The following CUEDC1 variants were observed in gnomAD, a reference collection of about 807,000 sequenced individuals.
CUEDC1 encodes the protein CUE domain-containing protein 1.
A neutral mutation model predicts 43.7 loss-of-function variants in CUEDC1; 30 were observed. The observed-to-expected ratio is 0.69, with a 90% CI of 0.51 to 0.93. CUEDC1 has a LOEUF of 0.93. CUEDC1 is among the 40% of genes least tolerant of loss of function. The pLI, the probability that CUEDC1 is intolerant of heterozygous loss-of-function variation, is 0.00. For missense variants in CUEDC1, 486 were observed against 549.0 expected (o/e 0.89, Z 1.15); for synonymous variants, 223 against 223.6 (o/e 1.00, Z 0.02).
At chr17:57,896,487 G>GGGGGGGGGTGTGTGT (rs375270781) in intron 1 of CUEDC1, among the ~76,000 whole-genome samples, 40 of 130,372 alleles carry the variant, frequency 3.1e-4, no homozygotes, top group Non-Finnish European at 4.5e-4. Context: ...TGCATTATGG[G>GGGGGGGGGTGTGTGT]GTGTGTGTGT....
chr17:57,887,688 A>G (rs1351097583), intron 1 of CUEDC1, among the ~76,000 whole-genome samples: 1 of 23,694 alleles, frequency 4.2e-5, no homozygotes, highest in East Asian at 3.5e-3. Flanking sequence ...TATTTTTAAT[A>G]CAGATGGGGT....
Position 57,954,179 on chromosome 17 carries a change from G to A in CUEDC1, c.-316+1046C>T, listed in dbSNP as rs892837621. Among the ~76,000 whole-genome samples the A allele has an allele frequency of 1.3e-5, 2 of 152,180 alleles. No homozygotes were observed. Among genetic ancestry groups the A allele is most frequent in the African/African-American group, 4.8e-5 (2 of 41,438 alleles). On this transcript the variant is annotated intron_variant, in intron 1 of 10. Coordinates refer to ENST00000577830, the MANE Select transcript of CUEDC1 (RefSeq NM_001271875.2). This position sits in a 1 kb window ranked among gnomAD's most constrained non-coding sequence, Gnocchi z 4.3. ...CTTTCTCCTGGGCCAGGTGGCTCAGGTGCTGCGGGATCACCCAGGGAAGGC... is the reference window on the plus strand; with the variant it reads ...CTTTCTCCTGGGCCAGGTGGCTCAGATGCTGCGGGATCACCCAGGGAAGGC...
intron 1 of CUEDC1, among the ~76,000 whole-genome samples, chr17:57,931,396 T>C (rs1222227416): frequency 6.6e-6 from 1 of 152,130 alleles, no homozygotes; most frequent in Non-Finnish European, 1.5e-5. Flanking sequence ...TCAAAAACAC[T>C]GATGAAGCCA....
chr17:57,885,351 C>A lies in CUEDC1; in HGVS notation c.214G>T (p.Ala72Ser), dbSNP rs752061024. 1 of 1,611,892 alleles carries A rather than the reference C, an allele frequency of 6.2e-7. No homozygotes were observed. The highest frequency in any genetic ancestry group is 2.2e-5 in the East Asian group (1 of 44,878). The stretch of plus-strand genomic sequence containing the variant: ...GTGGCGTCCACAGCGCCGCTGTTGG[C>A]GCGCAGCACGCATTCGATGATGTCG... ...DYDIIECVLR[A>S]NSGAVDATID... Residue 72 changes from alanine (A) to serine (S), a missense_variant, in exon 2 of 11, where the codon GCC becomes TCC. Ala to Ser is a moderately conservative substitution (Grantham distance 99, BLOSUM62 1). Coordinates refer to ENST00000577830, the MANE Select transcript of CUEDC1 (RefSeq NM_001271875.2).
rs2074428832 is a variant in CUEDC1 at position 57,897,800 on chromosome 17, G to A, written c.-315-11921C>T. Among the ~76,000 whole-genome samples the A allele has an allele frequency of 1.3e-5, 2 of 152,130 alleles. 1 individual carries two copies. Among genetic ancestry groups the A allele is most frequent in the South Asian group, 4.1e-4 (2 of 4,820 alleles). ...GAGGCTGAGGCGGGTGAATCACGAG[G>A]TCAGGAGTTTGAGACCAGCCTGGCC... is the stretch of plus-strand genomic sequence containing the variant. On this transcript the variant is annotated intron_variant, in intron 1 of 10. Coordinates refer to ENST00000577830, the MANE Select transcript of CUEDC1 (RefSeq NM_001271875.2).
At chr17:57,894,295 T>G (rs537869792) in intron 1 of CUEDC1, among the ~76,000 whole-genome samples, 3 of 152,334 alleles carry the variant, frequency 2.0e-5, no homozygotes, top group African/African-American at 7.2e-5. Context: ...GGGCATGGCA[T>G]GATGCCTTGG....
At chr17:57,907,400 A>G (rs9898004) in intron 1 of CUEDC1, among the ~76,000 whole-genome samples, 142,245 of 152,156 alleles carry the variant, frequency 0.93, 66,620 homozygotes, top group East Asian at 1. Context: ...GTCCTAGAGG[A>G]CCCTCAGTCA....
At chr17:57,888,117 G>A (rs2074317086) in intron 1 of CUEDC1, among the ~76,000 whole-genome samples, 1 of 151,610 alleles carries the variant, frequency 6.6e-6, no homozygotes, top group African/African-American at 2.4e-5. Flanking sequence ...TGGCCAGGCT[G>A]GTCTCAACCT....
In CUEDC1 at chr17:57,885,360, C is replaced by T. The variant is rs767815612; in HGVS notation, c.205G>A (p.Val69Met). Reference sequence around the variant, plus strand: ...ACAGCGCCGCTGTTGGCGCGCAGCACGCATTCGATGATGTCGTAATCCATG... The same window carrying T: ...ACAGCGCCGCTGTTGGCGCGCAGCATGCATTCGATGATGTCGTAATCCATG... ...PNMDYDIIEC[V>M]LRANSGAVDA... The change falls in exon 2 of 11, where the codon GTG (valine) becomes ATG (methionine). Residue 69 changes from valine (V) to methionine (M), a missense_variant. By Grantham distance (21) the Val-to-Met change is conservative. Transcript: ENST00000577830. 4 of 1,612,164 alleles carry T rather than the reference C, an allele frequency of 2.5e-6. No homozygotes were observed. Among genetic ancestry groups the T allele is most frequent in the East Asian group, 2.2e-5 (1 of 44,884 alleles).
intron 9 of CUEDC1, 31 bp downstream of exon 9, chr17:57,867,326 G>A: frequency 6.5e-7 from 1 of 1,547,392 alleles, no homozygotes; most frequent in Non-Finnish European, 8.7e-7. Context: ...TCATAGAGAA[G>A]TTGGAGCTTA....
chr17:57,883,738 C>G (rs898801275), intron 2 of CUEDC1, among the ~76,000 whole-genome samples: 4 of 151,954 alleles, frequency 2.6e-5, no homozygotes, highest in African/African-American at 9.7e-5. Flanking sequence ...AACAAAAAAA[C>G]AAACAAAAAA....
Position 57,871,290 on chromosome 17 carries a change from GACA to G in CUEDC1, c.861_863del (p.Val288del). 1.2e-6 allele frequency: 2 copies of G among 1,613,080 alleles called. No homozygotes were observed. The highest frequency in any genetic ancestry group is 1.7e-6 in the Non-Finnish European group (2 of 1,179,058). ...TTCCCCAGAAGGCAAAGTTACCTGG[GACA>G]GGAGAGGAAAAGCCAAAGTCGTTTC... is the stretch of plus-strand genomic sequence containing the variant. On this transcript the variant is annotated inframe_deletion, in exon 6 of 11. Coordinates refer to ENST00000577830, the MANE Select transcript of CUEDC1 (RefSeq NM_001271875.2).
intron 1 of CUEDC1, among the ~76,000 whole-genome samples, chr17:57,908,756 G>C (rs1555566144): frequency 6.6e-6 from 1 of 152,168 alleles, no homozygotes; most frequent in Non-Finnish European, 1.5e-5. Context: ...CCAGGACTTT[G>C]GGAGACTGAG....
chr17:57,905,830 C>T (rs981104146), intron 1 of CUEDC1, among the ~76,000 whole-genome samples: 4 of 152,218 alleles, frequency 2.6e-5, no homozygotes, highest in African/African-American at 7.2e-5. Context: ...AAATCCAAGG[C>T]AGCAGTTACC....
Position 57,937,487 on chromosome 17 carries a change from G to A in CUEDC1, c.-316+17738C>T, listed in dbSNP as rs1461784033. 4.0e-5 allele frequency among the ~76,000 whole-genome samples: 6 copies of A among 151,680 alleles called. No individual in the cohort carries two copies. The South Asian group carries it at 6.3e-4, about 16-fold the overall frequency. On this transcript the variant is annotated intron_variant, in intron 1 of 10. Coordinates refer to ENST00000577830, the MANE Select transcript of CUEDC1 (RefSeq NM_001271875.2). ...TTAGTGAGATGTGGCAGCATGCACC[G>A]GTAGTCCCAGCTACTCAGGAGGCTG...
rs2144908313 is a variant in CUEDC1, at chr17:57,866,458, T to C, written c.*3+16A>G. 2 of 1,613,550 alleles carry C rather than the reference T, an allele frequency of 1.2e-6. No homozygotes were observed. Among genetic ancestry groups the C allele is most frequent in the South Asian group, 1.1e-5 (1 of 91,068 alleles). On this transcript the variant is annotated intron_variant, in intron 10 of 10. Coordinates refer to ENST00000577830, the MANE Select transcript of CUEDC1 (RefSeq NM_001271875.2). ...GCCTTGGGCAGTCCCTGGGTTGCTA[T>C]GGCTCCAGGCCTTACCTCTTACTGT...
chr17:57,901,715 A>G (rs2074473775), intron 1 of CUEDC1, among the ~76,000 whole-genome samples: 1 of 152,272 alleles, frequency 6.6e-6, no homozygotes, highest in Admixed American at 6.5e-5. Flanking sequence ...TGGGCTGTAT[A>G]GAGGATGTAG....
At chr17:57,922,045 G>A (rs996609739) in intron 1 of CUEDC1, among the ~76,000 whole-genome samples, 3 of 152,134 alleles carry the variant, frequency 2.0e-5, no homozygotes, top group African/African-American at 7.2e-5. Context: ...CCCAGGAGGT[G>A]GAGGTTGCAG....
chr17:57,915,848 T>TA (rs2074634167), intron 1 of CUEDC1, among the ~76,000 whole-genome samples: 1 of 152,148 alleles, frequency 6.6e-6, no homozygotes, highest in Non-Finnish European at 1.5e-5. Flanking sequence ...AGGGGGCTGT[T>TA]ATGATAAGCA....
Sources: allele counts gnomAD v4.1 joint callset (sites outside exome capture counted in the v4.1 genomes callset), GRCh38; gene constraint gnomAD v4.1.1; non-coding constraint Gnocchi (gnomAD v3.1); transcripts MANE v1.5; gene names NCBI Gene and HGNC (gene_info 2026-07-23, HGNC 2026-07-21).